Variants in PCDHGA4 observed in about 807,000 individuals in gnomAD.
The protein encoded by PCDHGA4 is protocadherin gamma-A4.
PCDHGA4 carries 38 observed loss-of-function variants against 54.6 expected under a neutral mutation model. The observed-to-expected ratio is 0.70, with a 90% confidence interval of 0.54 to 0.91. The LOEUF is 0.91. Ranked by LOEUF, PCDHGA4 falls within the 40% of genes least tolerant of loss-of-function variation. The pLI is 0.00. For missense variants in PCDHGA4, 1,298 were observed against 1,220.9 expected, an observed-to-expected ratio of 1.06 and a Z score of -0.94; for synonymous variants, 511 against 512.9, an observed-to-expected ratio of 1.00 and a Z score of 0.05.
intron 1 of PCDHGA4, chr5:141,362,779 T>G (rs1588580747): frequency 3.3e-6 from 2 of 601,870 alleles, no homozygotes; most frequent in East Asian, 5.9e-5. Flanking sequence ...TTGCACTGTA[T>G]TTCTTTTTCT....
At chr5:141,449,933 G>A (rs1012332454) in intron 1 of PCDHGA4, among the ~76,000 whole-genome samples, 1 of 149,752 alleles carries the variant, frequency 6.7e-6, no homozygotes, top group African/African-American at 2.5e-5. Flanking sequence ...ATACCTTATA[G>A]TATATTTTAC....
In PCDHGA4 at chr5:141,389,561, G is replaced by A. The variant is rs115696241; in HGVS notation, c.2514+31940G>A. On this transcript the variant is annotated intron_variant, in intron 1 of 3. Transcript: ENST00000571252. Reference sequence around the variant, plus strand: ...ACGACCGCAACGACAATGCGCCACGGGTGCTGTACCCCGCGCTGGGTCCCG... The same window carrying A: ...ACGACCGCAACGACAATGCGCCACGAGTGCTGTACCCCGCGCTGGGTCCCG... 3,114 of 1,613,258 alleles carry A rather than the reference G, an allele frequency of 1.9e-3. 62 individuals carry two copies. The African/African-American group carries it at 0.034, about 18-fold the overall frequency.
chr5:141,409,259 T>C lies in PCDHGA4; in HGVS notation c.2514+51638T>C, dbSNP rs370130162. ...CCCAGAAATAATCATCACTTCTCTC[T>C]CTGATCAGATTTTGGAGAATTCACC... is the stretch of plus-strand genomic sequence containing the variant. On this transcript the variant is annotated intron_variant, in intron 1 of 3. Coordinates refer to ENST00000571252, the MANE Select transcript of PCDHGA4 (RefSeq NM_018917.4). The C allele has an allele frequency of 1.9e-6, 3 of 1,614,012 alleles. No individual in the cohort carries two copies. Among genetic ancestry groups the C allele is most frequent in the South Asian group, 2.2e-5 (2 of 91,082 alleles).
In PCDHGA4 at chr5:141,485,956, C is replaced by T. The variant is rs1430530851; in HGVS notation, c.2515-8851C>T. 1 of 1,614,150 alleles carries T rather than the reference C, an allele frequency of 6.2e-7. No individual in the cohort carries two copies. Among genetic ancestry groups the T allele is most frequent in the South Asian group, 1.1e-5 (1 of 91,074 alleles). ...AGAGCGCACCAGCGGGCATGGTGCT[C>T]ATCCAGCTCAATGCCTCAGACCCGG... On this transcript the variant is annotated intron_variant, in intron 1 of 3. Coordinates refer to ENST00000571252, the MANE Select transcript of PCDHGA4 (RefSeq NM_018917.4). This position sits in a 1 kb window ranked among gnomAD's most constrained non-coding sequence, Gnocchi z 5.7.
rs996153387 is a variant in PCDHGA4, at chr5:141,491,985, G to A, written c.2515-2822G>A. 24 of 743,298 alleles carry A rather than the reference G, an allele frequency of 3.2e-5. No homozygotes were observed. Among genetic ancestry groups the A allele is most frequent in the Non-Finnish European group, 4.5e-5 (22 of 494,254 alleles). 46.0% of individuals were successfully genotyped at this position (743,298 alleles called of 1,614,324 possible). On this transcript the variant is annotated intron_variant, in intron 1 of 3. Transcript: ENST00000571252. The surrounding 1 kb of genome is among the most constrained non-coding windows in gnomAD (Gnocchi z 6.9). ...AGGCCGGGGCCTCCTTCGAGCTTCC[G>A]GTGAATTTCGGGCGATTTCCGCGGG...
intron 1 of PCDHGA4, chr5:141,418,648 A>G (rs1387887578): frequency 1.2e-6 from 2 of 1,614,036 alleles, no homozygotes; most frequent in Non-Finnish European, 1.7e-6. Flanking sequence ...CCATCCTGAG[A>G]GTGAAGGCCA....
intron 1 of PCDHGA4, chr5:141,426,760 C>T (rs935248232): frequency 4.4e-6 from 2 of 456,284 alleles, no homozygotes; most frequent in African/African-American, 4.0e-5. Context: ...GCTATAGATG[C>T]AGATGTAGGG....
chr5:141,377,157 T>C (rs1773738723), intron 1 of PCDHGA4: 1 of 152,278 alleles, frequency 6.6e-6, no homozygotes, highest in South Asian at 2.1e-4. Context: ...GTCCTAGTTT[T>C]TCTTTACCTT....
intron 1 of PCDHGA4, chr5:141,405,129 G>A (rs755961534): frequency 9.9e-6 from 16 of 1,613,846 alleles, no homozygotes; most frequent in Middle Eastern, 3.3e-4. Context: ...CATCTGCTGC[G>A]GGCTACCAGT....
chr5:141,409,491 C>T (rs747701093), intron 1 of PCDHGA4: 3 of 1,613,994 alleles, frequency 1.9e-6, no homozygotes, highest in East Asian at 2.2e-5. Flanking sequence ...AGGGGCAAGC[C>T]GCCTCTTTCT....
intron 1 of PCDHGA4, chr5:141,374,540 C>G: frequency 6.2e-7 from 1 of 1,613,264 alleles, no homozygotes; most frequent in Non-Finnish European, 8.5e-7. Context: ...CTCTCGTTTT[C>G]CACTAATGGA....
In PCDHGA4 at chr5:141,410,849, CTTTTTTT is replaced by C. The variant is rs759346998; in HGVS notation, c.2514+53244_2514+53250del. 8.7e-3 allele frequency: 1,205 copies of C among 138,184 alleles called. 49 individuals are homozygous for C. Among genetic ancestry groups the C allele is most frequent in the African/African-American group, 0.064 (1,073 of 16,650 alleles). 8.6% of individuals were successfully genotyped at this position (138,184 alleles called of 1,614,324 possible). ...CAGACTGAAGATATTTTGTCTTTGT[CTTTTTTT>C]TTTTTTTTTTTTTTTGAGATGGAGT... is the stretch of plus-strand genomic sequence containing the variant. On this transcript the variant is annotated intron_variant, in intron 1 of 3. Coordinates refer to ENST00000571252, the MANE Select transcript of PCDHGA4 (RefSeq NM_018917.4).
intron 1 of PCDHGA4, chr5:141,421,778 G>C (rs756566609): frequency 6.2e-7 from 1 of 1,613,844 alleles, no homozygotes; most frequent in Non-Finnish European, 8.5e-7. Context: ...TTGCAACTGC[G>C]GGGCAGAACG....
In PCDHGA4 at chr5:141,477,875, G is replaced by A. The variant is rs760433987; in HGVS notation, c.2515-16932G>A. Reference sequence around the variant, plus strand: ...GATGCTGCCTCGAGGTACCTCAGCTGGCCACCTAGTGTCACGGGTGGTAGG... The same window carrying A: ...GATGCTGCCTCGAGGTACCTCAGCTAGCCACCTAGTGTCACGGGTGGTAGG... On this transcript the variant is annotated intron_variant, in intron 1 of 3. Coordinates refer to ENST00000571252, the MANE Select transcript of PCDHGA4 (RefSeq NM_018917.4). The surrounding 1 kb of genome is among the most constrained non-coding windows in gnomAD (Gnocchi z 4.9). 1 of 1,614,162 alleles carries A rather than the reference G, an allele frequency of 6.2e-7. No homozygotes were observed. Among genetic ancestry groups the A allele is most frequent in the Non-Finnish European group, 8.5e-7 (1 of 1,180,028 alleles).
intron 1 of PCDHGA4, among the ~76,000 whole-genome samples, chr5:141,464,625 T>C (rs1477206347): frequency 6.6e-6 from 1 of 152,190 alleles, no homozygotes; most frequent in East Asian, 1.9e-4. Context: ...TGTCAAGCTT[T>C]TTAATTGTTG....
At chr5:141,442,759 A>G (rs2098341868) in intron 1 of PCDHGA4, among the ~76,000 whole-genome samples, 1 of 152,152 alleles carries the variant, frequency 6.6e-6, no homozygotes, top group Non-Finnish European at 1.5e-5. Flanking sequence ...GATTATATAT[A>G]TTTGTATGTG....
At chr5:141,360,244 A>G (rs764630528) in intron 1 of PCDHGA4, 3 of 1,613,962 alleles carry the variant, frequency 1.9e-6, no homozygotes, top group Non-Finnish European at 2.5e-6. Context: ...CCGCTATTCA[A>G]TTCCAGAGGA....
At chr5:141,365,297 G>A (rs538677777) in intron 1 of PCDHGA4, 3 of 1,614,014 alleles carry the variant, frequency 1.9e-6, no homozygotes, top group East Asian at 4.5e-5. Context: ...GGTAGCTCAG[G>A]ATGGAGGCGC....
intron 3 of PCDHGA4, among the ~76,000 whole-genome samples, chr5:141,508,616 G>T (rs1007206932): frequency 6.6e-6 from 1 of 152,114 alleles, no homozygotes; most frequent in African/African-American, 2.4e-5. Flanking sequence ...ATAGGACGTG[G>T]GTGGGCCGAG....
Sources: gnomAD v4.1 joint callset for allele counts (sites outside exome capture counted in the v4.1 genomes callset) on GRCh38, gnomAD v4.1.1 for gene constraint, Gnocchi (gnomAD v3.1) non-coding constraint, MANE v1.5 for transcripts, NCBI Gene and HGNC (gene_info 2026-07-23, HGNC 2026-07-21) for gene names.